The following EXD3 variants were observed in gnomAD, a reference collection of about 807,000 sequenced individuals.
EXD3 encodes exonuclease 3'-5' domain containing 3, also known as exonuclease mut-7 homolog.
In EXD3, 92 loss-of-function variants were observed where a neutral mutation model predicts 98.0. The observed-to-expected ratio is 0.94, with a 90% confidence interval of 0.79 to 1.12. The LOEUF is 1.12. Ranked by LOEUF, EXD3 falls within the 50% of genes most tolerant of loss-of-function variation. The pLI, the probability that EXD3 is intolerant of heterozygous loss-of-function variation, is 0.00. For missense variants in EXD3, 1,222 were observed against 1,191.6 expected (o/e 1.03, Z -0.38); for synonymous variants, 569 against 526.0 (o/e 1.08, Z -1.12).
intron 9 of EXD3, 69 bp from the exon 10 acceptor site, chr9:137,354,446 T>C: frequency 2.5e-6 from 4 of 1,603,474 alleles, no homozygotes. Flanking sequence ...CTGGTGGGAG[T>C]TTTCCTCGAC....
In EXD3 at chr9:137,349,206, G is replaced by T. The variant is rs751291823; in HGVS notation, c.1734C>A (p.Asp578Glu). ...REPARFHLSEDLAGSRRPRHR... is the reference protein window; with the variant it reads ...REPARFHLSEELAGSRRPRHR... ...GCCTGGGCCTCCGGCTCCCAGCCAG[G>T]TCCTCCGACAGGTGGAAGCGGGCGG... Residue 578 changes from aspartate to glutamate, a missense_variant, in exon 16 of 22, where the codon GAC becomes GAA. Physicochemically the swap from Asp to Glu is conservative, Grantham distance 45. Transcript: ENST00000340951. This position sits in a 1 kb window ranked among gnomAD's most constrained non-coding sequence, Gnocchi z 7.4. 1.3e-6 allele frequency: 2 copies of T among 1,584,444 alleles called. No homozygotes were observed. Among genetic ancestry groups the T allele is most frequent in the Non-Finnish European group, 1.7e-6 (2 of 1,171,682 alleles).
At chr9:137,338,039 G>A (rs551507103) in intron 17 of EXD3, among the ~76,000 whole-genome samples, 10 of 152,128 alleles carry the variant, frequency 6.6e-5, no homozygotes, top group Admixed American at 2.0e-4. Flanking sequence ...TGCCCGCCTC[G>A]GCCTCCCAAA....
At chr9:137,311,736 G>A (rs1291904518) in intron 19 of EXD3, among the ~76,000 whole-genome samples, 2 of 152,210 alleles carry the variant, frequency 1.3e-5, no homozygotes, top group South Asian at 2.1e-4. Context: ...GGCTGTGCCC[G>A]CCCTTGGACC....
rs1168669671 is a variant in EXD3, at chr9:137,351,087, A to G, written c.1445T>C (p.Val482Ala). ...LGTSCPALAHVEKQILGGMDL... is the reference protein window; with the variant it reads ...LGTSCPALAHAEKQILGGMDL... ...CATGCCGCCCAGAATCTGCTTCTCC[A>G]CATGGGCCAGGGCGGGGCAGGACGT... Residue 482 changes from valine to alanine, a missense_variant, in exon 14 of 22, where the codon GTG (valine) becomes GCG (alanine). Transcript: ENST00000340951. 2.5e-6 allele frequency: 4 copies of G among 1,582,280 alleles called. No homozygotes were observed. The highest frequency in any genetic ancestry group is 3.4e-6 in the Non-Finnish European group (4 of 1,165,286).
chr9:137,363,527 G>A (rs1196412706), intron 7 of EXD3, among the ~76,000 whole-genome samples: 6 of 151,452 alleles, frequency 4.0e-5, no homozygotes, highest in South Asian at 4.2e-4. Context: ...TAGTAGAGAC[G>A]GGGTTTCACC....
At chr9:137,412,153 C>A (rs1022462748) in intron 1 of EXD3, among the ~76,000 whole-genome samples, 21 of 152,226 alleles carry the variant, frequency 1.4e-4, no homozygotes, top group Admixed American at 7.2e-4. Flanking sequence ...GGGCTGGAGG[C>A]CGGCCTGAGA....
At chr9:137,404,234 T>G (rs1292895885) in intron 1 of EXD3, among the ~76,000 whole-genome samples, 2 of 152,126 alleles carry the variant, frequency 1.3e-5, no homozygotes, top group African/African-American at 2.4e-5. Context: ...ACATGGGAAT[T>G]TGGGGGGAAA....
At chr9:137,402,262 T>C (rs933746783) in intron 1 of EXD3, among the ~76,000 whole-genome samples, 1 of 152,126 alleles carries the variant, frequency 6.6e-6, no homozygotes, top group Non-Finnish European at 1.5e-5. Flanking sequence ...GATCCGCCCG[T>C]CTCAGCCTCC....
intron 17 of EXD3, among the ~76,000 whole-genome samples, chr9:137,332,776 C>T (rs1216244435): frequency 2.0e-5 from 3 of 152,140 alleles, no homozygotes; most frequent in South Asian, 2.1e-4. Context: ...ACCCAGGAGG[C>T]GGAGATTCCA....
intron 1 of EXD3, among the ~76,000 whole-genome samples, chr9:137,416,045 C>T (rs1014276377): frequency 6.6e-6 from 1 of 152,194 alleles, no homozygotes; most frequent in Non-Finnish European, 1.5e-5. Context: ...AAAGAAAAAA[C>T]CATGAATGAT....
rs769764009 is a variant in EXD3 at position 137,307,115 on chromosome 9, C to T, written c.2466G>A (p.Arg822=). Residue 822 remains arginine (R), a synonymous_variant, in exon 22 of 22, where the codon AGG becomes AGA. Transcript: ENST00000340951. ...QLAGVPVGVL[R]TPGLRCFYCC... ...AGTAGAAGCACCGCAGCCCAGGTGT[C>T]CTCAGCACACCCACCGGGACCCCTG... 1.9e-6 allele frequency: 3 copies of T among 1,606,836 alleles called. No individual in the cohort carries two copies. The highest frequency in any genetic ancestry group is 2.5e-6 in the Non-Finnish European group (3 of 1,177,440).
At chr9:137,307,501 G>A in intron 21 of EXD3, 107 bp downstream of exon 21, 1 of 1,439,828 alleles carries the variant, frequency 6.9e-7, no homozygotes, top group Non-Finnish European at 9.3e-7. Flanking sequence ...GAGCCCCACA[G>A]AGCCCCCTCT....
Position 137,356,278 on chromosome 9 carries a change from G to A in EXD3, c.747C>T (p.Gly249=), listed in dbSNP as rs374726475. Residue 249 remains glycine, a synonymous_variant, in exon 8 of 22, where the codon GGC becomes GGT. Transcript: ENST00000340951. ...GGGGGCTGGACTCACCTGGGGCTACGCCGTACCGCTCCTGCAGACGCAAGA... is the reference window on the plus strand; with the variant it reads ...GGGGGCTGGACTCACCTGGGGCTACACCGTACCGCTCCTGCAGACGCAAGA... ...RQVLRLQERY[G]VAPALCPNAA... 73 of 1,599,896 alleles carry A rather than the reference G, an allele frequency of 4.6e-5. No homozygotes were observed. Among genetic ancestry groups the A allele is most frequent in the East Asian group, 2.0e-4 (9 of 44,326 alleles).
At chr9:137,335,003 G>A (rs1588285861) in intron 17 of EXD3, among the ~76,000 whole-genome samples, 1 of 152,064 alleles carries the variant, frequency 6.6e-6, no homozygotes, top group East Asian at 1.9e-4. Flanking sequence ...CTTGAATCTG[G>A]GAGGTAGAGG....
chr9:137,395,241 CACA>C lies in EXD3; in HGVS notation c.55+59_55+61del. 3.8e-6 allele frequency: 5 copies of C among 1,331,230 alleles called. No homozygotes were observed. The highest frequency in any genetic ancestry group is 5.4e-6 in the Non-Finnish European group (5 of 924,636). The allele number at this position is 1,331,230 out of a possible 1,614,324, so 82.5% of individuals were successfully genotyped here. On this transcript the variant is annotated intron_variant, in intron 2 of 21. Transcript: ENST00000340951. This position sits in a 1 kb window ranked among gnomAD's most constrained non-coding sequence, Gnocchi z 6.5. ...ACAGTGGGCGCCACCACCCCCCATG[CACA>C]CCCACGCACCTCCCCCCACAGCCCC...
intron 10 of EXD3, chr9:137,353,013 A>G: frequency 7.3e-7 from 1 of 1,365,504 alleles, no homozygotes; most frequent in Non-Finnish European, 9.4e-7. Flanking sequence ...TGTCCACCCC[A>G]GTGTAGCCCC....
intron 18 of EXD3, 28 bp from the exon 19 acceptor site, chr9:137,323,884 G>C: frequency 6.9e-6 from 11 of 1,590,098 alleles, no homozygotes; most frequent in Non-Finnish European, 9.4e-6. Context: ...GGCTACTGAG[G>C]GGCAGTGCAG....
At chr9:137,369,260 C>T (rs1287079057) in intron 5 of EXD3, among the ~76,000 whole-genome samples, 1 of 152,016 alleles carries the variant, frequency 6.6e-6, no homozygotes, top group Admixed American at 6.5e-5. Flanking sequence ...AGCATGGGCG[C>T]AGGGGCCACC....
chr9:137,366,303 C>T (rs2131656767), intron 7 of EXD3, 190 bp downstream of exon 7: 1 of 796,012 alleles, frequency 1.3e-6, no homozygotes, highest in Non-Finnish European at 2.1e-6. Context: ...GGCTGTGCTC[C>T]TGCCAGCCCC....
Sources: gnomAD v4.1 joint callset for allele counts (sites outside exome capture counted in the v4.1 genomes callset) on GRCh38, gnomAD v4.1.1 for gene constraint, Gnocchi (gnomAD v3.1) non-coding constraint, MANE v1.5 for transcripts, NCBI Gene and HGNC (gene_info 2026-07-23, HGNC 2026-07-21) for gene names.